The following SLC2A9 variants were observed in gnomAD, a reference collection of about 807,000 sequenced individuals.
The protein encoded by SLC2A9 is solute carrier family 2 member 9.
In SLC2A9, 39 loss-of-function variants were observed where a neutral mutation model predicts 50.6. The observed-to-expected ratio is 0.77, with a 90% CI of 0.60 to 1.01. The LOEUF (loss-of-function observed/expected upper bound fraction) is 1.01. Among genes scored for constraint, SLC2A9 ranks in the 50% least tolerant of loss-of-function variants. The pLI is 0.00. For synonymous variants in SLC2A9, 324 were observed against 276.9 expected (o/e 1.17, Z -1.69); for missense variants, 686 against 677.6 (o/e 1.01, Z -0.14).
intron 6 of SLC2A9, among the ~76,000 whole-genome samples, chr4:9,923,376 ACTTGG>A (rs1443495555): frequency 6.6e-6 from 1 of 152,186 alleles, no homozygotes; most frequent in Non-Finnish European, 1.5e-5. Context: ...GTAAGTTCAT[ACTTGG>A]CTTGGAGCCA....
intron 5 of SLC2A9, among the ~76,000 whole-genome samples, chr4:9,951,436 A>G (rs1278463897): frequency 6.6e-6 from 1 of 152,204 alleles, no homozygotes; most frequent in Non-Finnish European, 1.5e-5. Flanking sequence ...AAGTTAACAA[A>G]AATGTATTTT....
Position 9,877,193 on chromosome 4 carries a change from C to T in SLC2A9, c.1291+10374G>A, listed in dbSNP as rs182001559. 3.9e-5 allele frequency among the ~76,000 whole-genome samples: 6 copies of T among 152,316 alleles called. No homozygotes were observed. In the East Asian group the frequency reaches 5.8e-4, roughly 15 times the overall value. On this transcript the variant is annotated intron_variant, in intron 10 of 11. Transcript: ENST00000264784. ...GGTAATTGGGGTGAGGCCAAGGCCA[C>T]GGATAGGGTTCTTTCTTTCATCTAT...
intron 9 of SLC2A9, 67 bp from the exon 10 acceptor site, chr4:9,887,709 C>T: frequency 7.9e-7 from 1 of 1,263,852 alleles, no homozygotes. Context: ...GAGTTCCCAC[C>T]CCAGCTCCTC....
chr4:9,888,906 C>T (rs973134004), intron 9 of SLC2A9, among the ~76,000 whole-genome samples: 1 of 152,030 alleles, frequency 6.6e-6, no homozygotes, highest in African/African-American at 2.4e-5. Flanking sequence ...GCTTCTGTAC[C>T]AAGTCACTCA....
chr4:10,000,610 G>C (rs771535443), intron 2 of SLC2A9, among the ~76,000 whole-genome samples: 6 of 152,118 alleles, frequency 3.9e-5, no homozygotes, highest in Non-Finnish European at 8.8e-5. Flanking sequence ...AGCAGTTTTG[G>C]CTACATGCTT....
At chr4:9,886,256 T>C (rs1044326652) in intron 10 of SLC2A9, among the ~76,000 whole-genome samples, 15 of 152,224 alleles carry the variant, frequency 9.9e-5, no homozygotes, top group African/African-American at 3.6e-4. Flanking sequence ...GATGTGAAGA[T>C]GTGGATGTGA....
intron 8 of SLC2A9, 104 bp from the exon 9 acceptor site, chr4:9,890,815 G>A: frequency 2.9e-6 from 3 of 1,019,784 alleles, no homozygotes; most frequent in South Asian, 2.7e-5. Flanking sequence ...TTAAAAACCG[G>A]CTTTGACCCT....
intron 10 of SLC2A9, chr4:9,880,147 G>A: frequency 1.0e-6 from 1 of 985,438 alleles, no homozygotes; most frequent in Non-Finnish European, 1.2e-6. Context: ...GTCCACTTAG[G>A]AAGATGCAAG....
At chr4:9,809,758 G>A (rs930090964) in intron 3 of SLC2A9, among the ~76,000 whole-genome samples, 4 of 151,928 alleles carry the variant, frequency 2.6e-5, no homozygotes, top group Non-Finnish European at 4.4e-5. Context: ...GCAGAGTCCC[G>A]AATAAATTAC....
intron 5 of SLC2A9, among the ~76,000 whole-genome samples, chr4:9,976,582 T>C (rs1409735152): frequency 1.3e-5 from 2 of 152,196 alleles, no homozygotes; most frequent in African/African-American, 4.8e-5. Flanking sequence ...AACAGAAGGA[T>C]ATTTACAGGG....
chr4:10,011,884 C>T (rs1368638045), intron 2 of SLC2A9, among the ~76,000 whole-genome samples: 3 of 152,226 alleles, frequency 2.0e-5, no homozygotes, highest in Non-Finnish European at 2.9e-5. Context: ...CCAGCCAGCC[C>T]TCTGCCCAGA....
rs79043019 is a variant in SLC2A9 at position 9,884,174 on chromosome 4, G to A, written c.1291+3393C>T. On this transcript the variant is annotated intron_variant, in intron 10 of 11. Coordinates refer to ENST00000264784, the MANE Select transcript of SLC2A9 (RefSeq NM_020041.3). ...GAGACATATTTGTTAGGCAGCTAGC[G>A]TTACACTGACTGATACATGCTGTTA... is the stretch of plus-strand genomic sequence containing the variant. Among the ~76,000 whole-genome samples the A allele has an allele frequency of 3.2e-3, 491 of 152,318 alleles. 23 individuals are homozygous for A. The East Asian group carries it at 0.076, about 24-fold the overall frequency.
intron 2 of SLC2A9, among the ~76,000 whole-genome samples, chr4:9,999,323 A>G (rs7683856): frequency 0.79 from 119,746 of 151,992 alleles, 47,310 homozygotes; most frequent in East Asian, 0.98. Context: ...CAGCCTCCCC[A>G]GACCTTTTAT....
At chr4:9,784,283 T>C (rs1397356833) in intron 3 of SLC2A9, among the ~76,000 whole-genome samples, 2 of 93,382 alleles carry the variant, frequency 2.1e-5, no homozygotes, top group African/African-American at 9.6e-5. Flanking sequence ...AGACCAGATG[T>C]TTTTTTTCTC....
chr4:9,939,259 G>A (rs1056273441), intron 6 of SLC2A9, among the ~76,000 whole-genome samples: 2 of 152,114 alleles, frequency 1.3e-5, no homozygotes, highest in Non-Finnish European at 2.9e-5. Context: ...CTGGCCCCAA[G>A]AAAGATTTTA....
At chr4:9,877,102 T>C (rs761610944) in intron 10 of SLC2A9, among the ~76,000 whole-genome samples, 33 of 152,304 alleles carry the variant, frequency 2.2e-4, no homozygotes, top group Non-Finnish European at 3.7e-4. Flanking sequence ...TTGCACACAA[T>C]TCCCTAACTT....
chr4:10,025,966 T>A (rs776183576), upstream of SLC2A9: 1 of 1,614,190 alleles, frequency 6.2e-7, no homozygotes, highest in South Asian at 1.1e-5. Flanking sequence ...CTGAGCTTCA[T>A]GGTTCACTTT....
At chr4:9,816,698 C>A (rs937707887) in intron 3 of SLC2A9, among the ~76,000 whole-genome samples, 1 of 152,112 alleles carries the variant, frequency 6.6e-6, no homozygotes, top group Non-Finnish European at 1.5e-5. Flanking sequence ...TCTTAAATGT[C>A]TAGCCCTTGT....
chr4:9,855,036 T>C (rs1201869360), intron 10 of SLC2A9, among the ~76,000 whole-genome samples: 1 of 152,078 alleles, frequency 6.6e-6, no homozygotes, highest in Non-Finnish European at 1.5e-5. Flanking sequence ...AACATCCCCC[T>C]TGAGAACTAG....
Sources: gnomAD v4.1 joint callset for allele counts (sites outside exome capture counted in the v4.1 genomes callset) on GRCh38, gnomAD v4.1.1 for gene constraint, MANE v1.5 for transcripts, NCBI Gene and HGNC (gene_info 2026-07-23, HGNC 2026-07-21) for gene names.